The following THSD4 variants were observed in gnomAD, a reference collection of about 807,000 sequenced individuals.
THSD4 encodes thrombospondin type 1 domain containing 4.
Under a neutral mutation model 119.0 loss-of-function variants are expected in THSD4, and 69 were observed. The ratio of observed to expected loss-of-function variants is 0.58; its 90% confidence interval spans 0.48 to 0.71. THSD4 has a LOEUF of 0.71. THSD4 is among the 30% of genes least tolerant of loss of function. The pLI is 0.00. For synonymous variants in THSD4, 524 were observed against 540.4 expected (o/e 0.97, Z 0.42); for missense variants, 1,393 against 1,391.1 (o/e 1.00, Z -0.02).
chr15:71,469,054 CTG>C (rs1341475507), intron 7 of THSD4, among the ~76,000 whole-genome samples: 1 of 152,244 alleles, frequency 6.6e-6, no homozygotes, highest in African/African-American at 2.4e-5. Context: ...CTAGCAGACT[CTG>C]TCACACCTGT....
intron 8 of THSD4, among the ~76,000 whole-genome samples, chr15:71,700,014 C>A (rs2141068918): frequency 6.6e-6 from 1 of 152,046 alleles, no homozygotes; most frequent in East Asian, 1.9e-4. Flanking sequence ...TTCATCATAC[C>A]TAAAGGTGAA....
At chr15:71,636,529 T>G (rs748895638) in intron 7 of THSD4, among the ~76,000 whole-genome samples, 30 of 152,322 alleles carry the variant, frequency 2.0e-4, no homozygotes, top group Non-Finnish European at 2.9e-4. Context: ...AGTGTTAGTT[T>G]AGGGGTATTC....
intron 7 of THSD4, among the ~76,000 whole-genome samples, chr15:71,590,787 AGGT>A (rs2140872357): frequency 6.6e-6 from 1 of 152,024 alleles, no homozygotes; most frequent in East Asian, 1.9e-4. Context: ...GCGGATCATG[AGGT>A]TAGGAGATCA....
chr15:71,506,357 G>A (rs561402262), intron 7 of THSD4, among the ~76,000 whole-genome samples: 1 of 152,152 alleles, frequency 6.6e-6, no homozygotes, highest in Non-Finnish European at 1.5e-5. Context: ...ACTGCCCAGG[G>A]TTAAGTATTG....
intron 15 of THSD4, among the ~76,000 whole-genome samples, chr15:71,762,137 A>T (rs116595081): frequency 6.6e-4 from 97 of 147,166 alleles, no homozygotes; most frequent in African/African-American, 2.5e-3. Context: ...ATGCTGTCTC[A>T]TGCGCGTGTG....
At chr15:71,256,740 A>G (rs1182833430) in intron 6 of THSD4, 25 bp downstream of exon 6, 3 of 1,595,618 alleles carry the variant, frequency 1.9e-6, no homozygotes, top group Admixed American at 1.7e-5. Flanking sequence ...AGCCCTGTCC[A>G]TAGAAGTTAC....
intron 7 of THSD4, among the ~76,000 whole-genome samples, chr15:71,477,945 A>G (rs1187148061): frequency 8.7e-6 from 1 of 115,266 alleles, no homozygotes; most frequent in African/African-American, 3.2e-5. Flanking sequence ...CCCAAATCCA[A>G]CAATTCTGGT....
intron 8 of THSD4, among the ~76,000 whole-genome samples, chr15:71,665,267 A>G (rs1267559422): frequency 6.6e-6 from 1 of 152,058 alleles, no homozygotes; most frequent in Non-Finnish European, 1.5e-5. Flanking sequence ...TTTTTTGCAT[A>G]TGCTTGTTGG....
At chr15:71,736,081 C>CTCTCTGTCTCTCTGTTGCTG (rs2053094148) in intron 10 of THSD4, among the ~76,000 whole-genome samples, 1 of 53,338 alleles carries the variant, frequency 1.9e-5, no homozygotes, top group African/African-American at 6.2e-5. Flanking sequence ...CTCTCTCTTG[C>CTCTCTGTCTCTCTGTTGCTG]TCTCTGTCTC....
chr15:71,694,173 T>A (rs1374984117), intron 8 of THSD4, among the ~76,000 whole-genome samples: 3 of 152,218 alleles, frequency 2.0e-5, no homozygotes. Context: ...GGAAAAACCA[T>A]GAGAGATGGA....
chr15:71,334,966 A>G lies in THSD4; in HGVS notation c.1016-76721A>G, dbSNP rs548830301. 2.0e-5 allele frequency among the ~76,000 whole-genome samples: 3 copies of G among 152,328 alleles called. No homozygotes were observed. The East Asian group carries it at 5.8e-4, about 29-fold the overall frequency. Reference sequence around the variant, plus strand: ...AGTGACACACTGGAGCAGATGGGCCAGGGCTGTGCTGGATTTGAAAAAGGC... The same window carrying G: ...AGTGACACACTGGAGCAGATGGGCCGGGGCTGTGCTGGATTTGAAAAAGGC... On this transcript the variant is annotated intron_variant, in intron 6 of 17. Transcript: ENST00000261862.
At chr15:71,240,955 G>A (rs2044148019) in intron 4 of THSD4, among the ~76,000 whole-genome samples, 2 of 152,126 alleles carry the variant, frequency 1.3e-5, no homozygotes, top group Admixed American at 1.3e-4. Context: ...AATAAACACT[G>A]TGGCGTGGTT....
At chr15:71,194,803 A>T (rs2043705439) in intron 3 of THSD4, among the ~76,000 whole-genome samples, 1 of 152,164 alleles carries the variant, frequency 6.6e-6, no homozygotes, top group Non-Finnish European at 1.5e-5. Flanking sequence ...GCACTGTTGG[A>T]TTGTAAGACA....
At chr15:71,607,959 T>C (rs115624607) in intron 7 of THSD4, among the ~76,000 whole-genome samples, 2,607 of 152,162 alleles carry the variant, frequency 0.017, 64 homozygotes, top group African/African-American at 0.057. Flanking sequence ...CTGGGTGGCT[T>C]ACACCTGTAA....
intron 3 of THSD4, among the ~76,000 whole-genome samples, chr15:71,156,970 T>A (rs1368620374): frequency 6.6e-6 from 1 of 152,214 alleles, no homozygotes; most frequent in East Asian, 1.9e-4. Flanking sequence ...CTCTGCTGCA[T>A]CATCTCTATT....
At chr15:71,709,693 A>G (rs935792608) in intron 8 of THSD4, among the ~76,000 whole-genome samples, 4 of 152,208 alleles carry the variant, frequency 2.6e-5, no homozygotes, top group Non-Finnish European at 5.9e-5. Context: ...AGGGAAGAGT[A>G]AGAGCACTGG....
At chr15:71,433,921 C>T (rs1360940182) in intron 7 of THSD4, among the ~76,000 whole-genome samples, 2 of 152,160 alleles carry the variant, frequency 1.3e-5, no homozygotes, top group East Asian at 1.9e-4. Flanking sequence ...GTATACAGAA[C>T]TTTGGGGAAC....
chr15:71,594,380 T>C (rs899420503), intron 7 of THSD4, among the ~76,000 whole-genome samples: 5 of 152,138 alleles, frequency 3.3e-5, no homozygotes, highest in Admixed American at 6.5e-5. Context: ...GGCTAATTTT[T>C]GTATTTTTAG....
At chr15:71,696,223 G>A (rs746937673) in intron 8 of THSD4, among the ~76,000 whole-genome samples, 7 of 152,322 alleles carry the variant, frequency 4.6e-5, no homozygotes, top group Middle Eastern at 3.4e-3. Flanking sequence ...GAGCATGGCC[G>A]TGGTTTTGGT....
Sources: allele counts gnomAD v4.1 joint callset (sites outside exome capture counted in the v4.1 genomes callset), GRCh38; gene constraint gnomAD v4.1.1; transcripts MANE v1.5; gene names NCBI Gene and HGNC (gene_info 2026-07-23, HGNC 2026-07-21).